The following CSMD3 variants were observed in gnomAD, a reference collection of about 807,000 sequenced individuals.
CSMD3 encodes the protein CUB and sushi domain-containing protein 3.
A neutral mutation model predicts 435.2 loss-of-function variants in CSMD3; 177 were observed. The observed-to-expected ratio is 0.41, with a 90% CI of 0.36 to 0.46. CSMD3 has a LOEUF of 0.46. Among genes scored for constraint, CSMD3 ranks in the 20% least tolerant of loss-of-function variants. The pLI, the probability that CSMD3 is intolerant of heterozygous loss-of-function variation, is 0.34. For synonymous variants in CSMD3, 1,656 were observed against 1,520.5 expected (o/e 1.09, Z -2.07); for missense variants, 4,265 against 4,504.6 (o/e 0.95, Z 1.52).
chr8:112,315,080 C>T (rs1348049625), intron 47 of CSMD3, among the ~76,000 whole-genome samples: 1 of 151,838 alleles, frequency 6.6e-6, no homozygotes, highest in Non-Finnish European at 1.5e-5. Flanking sequence ...TCAAAGTATT[C>T]ATTTCAAGTA....
At chr8:112,737,698 G>A (rs1417715006) in intron 13 of CSMD3, among the ~76,000 whole-genome samples, 4 of 151,806 alleles carry the variant, frequency 2.6e-5, no homozygotes, top group East Asian at 1.9e-4. Context: ...TGATGAGATC[G>A]TAAGTGGCTG....
chr8:112,336,401 AT>A (rs1287239860), intron 44 of CSMD3, among the ~76,000 whole-genome samples: 1 of 152,112 alleles, frequency 6.6e-6, no homozygotes, highest in African/African-American at 2.4e-5. Context: ...ATTTAATAAT[AT>A]TTTTTAATCT....
intron 36 of CSMD3, among the ~76,000 whole-genome samples, chr8:112,384,359 G>T (rs1586944049): frequency 6.6e-6 from 1 of 152,098 alleles, no homozygotes; most frequent in South Asian, 2.1e-4. Context: ...GAAAATACTG[G>T]GGAGGTTTAA....
intron 23 of CSMD3, among the ~76,000 whole-genome samples, chr8:112,577,055 A>T (rs1025803461): frequency 9.2e-5 from 14 of 152,068 alleles, no homozygotes; most frequent in African/African-American, 3.4e-4. Context: ...CTGAAGCTCC[A>T]CTATAATCAT....
At chr8:112,254,957 A>G (rs1442447839) in intron 62 of CSMD3, among the ~76,000 whole-genome samples, 1 of 152,130 alleles carries the variant, frequency 6.6e-6, no homozygotes, top group Non-Finnish European at 1.5e-5. Flanking sequence ...TATTAACTAT[A>G]AAAATCTAAG....
At chr8:112,613,545 T>A (rs1833430959) in intron 22 of CSMD3, among the ~76,000 whole-genome samples, 1 of 152,160 alleles carries the variant, frequency 6.6e-6, no homozygotes, top group Non-Finnish European at 1.5e-5. Context: ...TAAACCATGT[T>A]TATTTTGAAA....
At chr8:112,337,115 G>T (rs761609219) in intron 43 of CSMD3, among the ~76,000 whole-genome samples, 1 of 152,036 alleles carries the variant, frequency 6.6e-6, no homozygotes, top group Non-Finnish European at 1.5e-5. Context: ...TCAATGCAAA[G>T]ACTTTAACTT....
intron 10 of CSMD3, among the ~76,000 whole-genome samples, chr8:112,870,392 C>T (rs2081099715): frequency 6.6e-6 from 1 of 151,744 alleles, no homozygotes; most frequent in African/African-American, 2.4e-5. Flanking sequence ...CCTCAGCCTC[C>T]CGAGTAGCTG....
chr8:112,777,635 C>A (rs932024282), intron 13 of CSMD3, among the ~76,000 whole-genome samples: 1 of 151,740 alleles, frequency 6.6e-6, no homozygotes, highest in Admixed American at 6.6e-5. Flanking sequence ...TTGGTGACCA[C>A]GACTGAATTA....
chr8:112,894,244 T>C (rs2081886190), intron 10 of CSMD3, among the ~76,000 whole-genome samples: 1 of 151,442 alleles, frequency 6.6e-6, no homozygotes. Context: ...TATCAGCATA[T>C]AGACCCAGAT....
chr8:112,394,909 A>G (rs2129809541), intron 35 of CSMD3, among the ~76,000 whole-genome samples: 1 of 152,294 alleles, frequency 6.6e-6, no homozygotes, highest in Non-Finnish European at 1.5e-5. Flanking sequence ...TCAATAAATT[A>G]TTGCTGAATA....
chr8:112,815,341 A>G (rs1210884261), intron 12 of CSMD3, among the ~76,000 whole-genome samples: 1 of 152,180 alleles, frequency 6.6e-6, no homozygotes, highest in Non-Finnish European at 1.5e-5. Context: ...ATAAGGTAGG[A>G]TAATGTTTGT....
chr8:112,636,611 A>G (rs2131579225), intron 22 of CSMD3, among the ~76,000 whole-genome samples: 1 of 151,916 alleles, frequency 6.6e-6, no homozygotes, highest in African/African-American at 2.4e-5. Context: ...CCTATCTGAA[A>G]ACAAATTTAT....
rs1195078235 is a variant in CSMD3, at chr8:113,279,450, G to C, written c.402-746C>G. ...ATCATTTTGTATACAATTTCAAATT[G>C]GTATTCACTCAGTTGTATTAAATAA... On this transcript the variant is annotated intron_variant, in intron 2 of 70. Transcript: ENST00000297405. Among the ~76,000 whole-genome samples, 3 of 151,334 alleles carry C rather than the reference G, an allele frequency of 2.0e-5. No homozygotes were observed. The South Asian group carries it at 6.3e-4, about 32-fold the overall frequency.
At chr8:112,864,115 C>T (rs1186421967) in intron 10 of CSMD3, among the ~76,000 whole-genome samples, 2 of 152,128 alleles carry the variant, frequency 1.3e-5, no homozygotes, top group Non-Finnish European at 2.9e-5. Context: ...TTTTGTCTTA[C>T]ATTCAAGAGA....
At chr8:112,648,978 A>G (rs1213090435) in intron 19 of CSMD3, among the ~76,000 whole-genome samples, 1 of 152,238 alleles carries the variant, frequency 6.6e-6, no homozygotes, top group African/African-American at 2.4e-5. Context: ...TTTTCTAATT[A>G]GAGTGACAGG....
chr8:113,405,273 GT>G, intron 1 of CSMD3, among the ~76,000 whole-genome samples: 1 of 151,626 alleles, frequency 6.6e-6, no homozygotes, highest in South Asian at 2.1e-4. Flanking sequence ...ATATTTTTGA[GT>G]TTTCACAAGA....
intron 61 of CSMD3, chr8:112,255,758 T>C (rs1292048780): frequency 1.9e-5 from 6 of 311,278 alleles, no homozygotes; most frequent in African/African-American, 1.3e-4. Flanking sequence ...AGGTGGAGTA[T>C]AGCCTTGAAA....
intron 3 of CSMD3, among the ~76,000 whole-genome samples, chr8:113,253,737 G>C (rs142995031): frequency 6.6e-6 from 1 of 151,874 alleles, no homozygotes; most frequent in Non-Finnish European, 1.5e-5. Context: ...TACTTGGGAG[G>C]CTGAGGCAGG....
Sources: gnomAD v4.1 joint callset for allele counts (sites outside exome capture counted in the v4.1 genomes callset) on GRCh38, gnomAD v4.1.1 for gene constraint, MANE v1.5 for transcripts, NCBI Gene and HGNC (gene_info 2026-07-23, HGNC 2026-07-21) for gene names.